Variants in PDE9A observed in about 807,000 individuals in gnomAD.
PDE9A encodes the protein high affinity cGMP-specific 3',5'-cyclic phosphodiesterase 9A.
A neutral mutation model predicts 87.4 loss-of-function variants in PDE9A; 60 were observed. That is an observed-to-expected ratio of 0.69 (90% CI 0.56 to 0.85). The LOEUF is 0.85. Ranked by LOEUF, PDE9A falls within the 40% of genes least tolerant of loss-of-function variation. The pLI, the probability that PDE9A is intolerant of heterozygous loss-of-function variation, is 0.00. For missense variants in PDE9A, 665 were observed against 779.0 expected (o/e 0.85, Z 1.74); for synonymous variants, 272 against 279.4 (o/e 0.97, Z 0.27).
chr21:42,660,621 G>A lies in PDE9A; in HGVS notation c.69+6738G>A, dbSNP rs6586337. Reference sequence around the variant, plus strand: ...ACCACCCCTTCCCCAAACACTATTGGAATTAAAAAAAAAAAAAAAGATTAA... The same window carrying A: ...ACCACCCCTTCCCCAAACACTATTGAAATTAAAAAAAAAAAAAAAGATTAA... On this transcript the variant is annotated intron_variant, in intron 1 of 19. Transcript: ENST00000291539. The surrounding 1 kb of genome is among the most constrained non-coding windows in gnomAD (Gnocchi z 4.7). 0.39 allele frequency among the ~76,000 whole-genome samples: 58,029 copies of A among 148,580 alleles called. 12,549 individuals are homozygous for A. The highest frequency in any genetic ancestry group is 0.6 in the African/African-American group (24,266 of 40,308).
intron 4 of PDE9A, among the ~76,000 whole-genome samples, chr21:42,726,613 TATATATATATA>T (rs1307978460): frequency 2.1e-4 from 6 of 28,450 alleles, no homozygotes; most frequent in African/African-American, 1.1e-3. Context: ...TATATATATA[TATATATATATA>T]TTTTTTTTTT....
At chr21:42,747,910 G>A (rs111497912) in intron 8 of PDE9A, among the ~76,000 whole-genome samples, 4,064 of 152,348 alleles carry the variant, frequency 0.027, 81 homozygotes, top group Non-Finnish European at 0.04. Flanking sequence ...CTCCAAATAG[G>A]ATGAAAAGAA....
chr21:42,702,019 T>C lies in PDE9A; in HGVS notation c.262+3008T>C, dbSNP rs2146351892. Among the ~76,000 whole-genome samples, 1 of 152,280 alleles carries C rather than the reference T, an allele frequency of 6.6e-6. No homozygotes were observed. Among genetic ancestry groups the C allele is most frequent in the African/African-American group, 2.4e-5 (1 of 41,552 alleles). ...GTGTTCATTGATCTTCTTGGAACTT[T>C]GGGATCATATTTTTCATGAAATTTG... On this transcript the variant is annotated intron_variant, in intron 4 of 19. Transcript: ENST00000291539. This position sits in a 1 kb window ranked among gnomAD's most constrained non-coding sequence, Gnocchi z 4.9.
intron 1 of PDE9A, among the ~76,000 whole-genome samples, chr21:42,685,297 CGGCACTGGGGAGCG>C (rs1409014466): frequency 6.6e-6 from 1 of 152,214 alleles, no homozygotes; most frequent in Non-Finnish European, 1.5e-5. Context: ...ACAGCCCCGG[CGGCACTGGGGAGCG>C]AGCGCGGCCA....
rs2055635289 is a variant in PDE9A at position 42,760,693 on chromosome 21, A to G, written c.1003-132A>G. ...ACAGGCAGGCCGATCCTCTCCCACCATGCCAGGAGATGCCAGATGGCTGCA... is the reference window on the plus strand; with the variant it reads ...ACAGGCAGGCCGATCCTCTCCCACCGTGCCAGGAGATGCCAGATGGCTGCA... On this transcript the variant is annotated intron_variant, in intron 12 of 19. Transcript: ENST00000291539. The surrounding 1 kb of genome is among the most constrained non-coding windows in gnomAD (Gnocchi z 5.2). 3.5e-6 allele frequency: 2 copies of G among 578,338 alleles called. No homozygotes were observed. The highest frequency in any genetic ancestry group is 4.1e-5 in the East Asian group (1 of 24,482). 35.8% of individuals were successfully genotyped at this position (578,338 alleles called of 1,614,324 possible). A position where few individuals can be genotyped will look rare whatever the true frequency, so the allele number is the denominator to read the frequency against.
intron 3 of PDE9A, among the ~76,000 whole-genome samples, chr21:42,688,672 C>T (rs2059613243): frequency 6.6e-6 from 1 of 152,202 alleles, no homozygotes; most frequent in African/African-American, 2.4e-5. Flanking sequence ...GGCGAGGGAG[C>T]AGGTGAGCTG....
intron 3 of PDE9A, among the ~76,000 whole-genome samples, chr21:42,693,455 C>A (rs923958348): frequency 6.6e-6 from 1 of 151,836 alleles, no homozygotes; most frequent in Admixed American, 6.6e-5. Context: ...CCCGCCACCA[C>A]GCCCAGCTAA....
intron 10 of PDE9A, among the ~76,000 whole-genome samples, chr21:42,754,385 G>A (rs910924558): frequency 3.9e-5 from 6 of 152,136 alleles, no homozygotes; most frequent in African/African-American, 9.7e-5. Flanking sequence ...CCTCATGCAC[G>A]CCGGTGGCAG....
intron 8 of PDE9A, among the ~76,000 whole-genome samples, chr21:42,750,227 G>A (rs2054275197): frequency 1.3e-5 from 2 of 152,148 alleles, no homozygotes; most frequent in African/African-American, 4.8e-5. Flanking sequence ...TTGGGAGGCT[G>A]AGGCAGAAGG....
At position 42,723,133 on chromosome 21, in the gene PDE9A, T is replaced by C. The variant is rs9653815; in HGVS notation, c.263-8637T>C. Among the ~76,000 whole-genome samples the C allele has an allele frequency of 0.7, 106,564 of 152,208 alleles. 38,828 individuals are homozygous for C. Among genetic ancestry groups the C allele is most frequent in the East Asian group, 0.94 (4,870 of 5,168 alleles). On this transcript the variant is annotated intron_variant, in intron 4 of 19. Transcript: ENST00000291539. The surrounding 1 kb of genome is among the most constrained non-coding windows in gnomAD (Gnocchi z 4.3). ...GGCTGGCAGCCCATAGGCCCCTCCT[T>C]GGTCCCTCTAGAGGTTTGCTTCATT...
At chr21:42,667,791 T>C (rs1349970875) in intron 1 of PDE9A, among the ~76,000 whole-genome samples, 1 of 152,014 alleles carries the variant, frequency 6.6e-6, no homozygotes, top group Non-Finnish European at 1.5e-5. Flanking sequence ...TGCTGTTTGG[T>C]CCAGGACCCC....
At chr21:42,672,938 T>C (rs1009816767) in intron 1 of PDE9A, among the ~76,000 whole-genome samples, 4 of 152,146 alleles carry the variant, frequency 2.6e-5, no homozygotes, top group African/African-American at 9.7e-5. Flanking sequence ...GCTGACATGT[T>C]GAAGTTAAGG....
At position 42,659,194 on chromosome 21, in the gene PDE9A, G is replaced by C. The variant is rs563969979; in HGVS notation, c.69+5311G>C. 6.6e-6 allele frequency among the ~76,000 whole-genome samples: 1 copy of C among 152,180 alleles called. No homozygotes were observed. The highest frequency in any genetic ancestry group is 1.5e-5 in the Non-Finnish European group (1 of 68,038). ...CTGGCCTCCACACTCCTTCCCATTG[G>C]TGTGGTCCGAATTCCCCTTTAGCCA... On this transcript the variant is annotated intron_variant, in intron 1 of 19. Transcript: ENST00000291539. The surrounding 1 kb of genome is among the most constrained non-coding windows in gnomAD (Gnocchi z 4.1).
At chr21:42,754,156 T>C (rs2054758181) in intron 10 of PDE9A, 92 bp downstream of exon 10, 12 of 695,016 alleles carry the variant, frequency 1.7e-5, no homozygotes, top group African/African-American at 1.8e-5. Flanking sequence ...TCTTCCTCCT[T>C]CTTGCTTTTT....
Position 42,689,714 on chromosome 21 carries a change from A to G in PDE9A, c.218+1720A>G, listed in dbSNP as rs59613841. On this transcript the variant is annotated intron_variant, in intron 3 of 19. Transcript: ENST00000291539. ...ATTAACAAGAGACAGTATCAGACAC[A>G]CCAGACAAAAGCCCTCCTGAGCCCA... 1.6e-3 allele frequency: 1,625 copies of G among 985,430 alleles called. 11 individuals carry two copies. In the African/African-American group the frequency reaches 0.021, roughly 13 times the overall value. 61.0% of individuals were successfully genotyped at this position (985,430 alleles called of 1,614,324 possible).
At chr21:42,745,425 C>T (rs1310296618) in intron 8 of PDE9A, among the ~76,000 whole-genome samples, 4 of 152,222 alleles carry the variant, frequency 2.6e-5, no homozygotes, top group African/African-American at 4.8e-5. Context: ...TGTGAGTGAA[C>T]AATCCATCTT....
intron 4 of PDE9A, chr21:42,701,156 T>G (rs2048348119): frequency 2.0e-5 from 3 of 152,232 alleles, no homozygotes; most frequent in Admixed American, 2.0e-4. Flanking sequence ...GTGTTACCAT[T>G]GTTAATATGA....
chr21:42,744,363 A>C (rs1018963712), intron 8 of PDE9A, among the ~76,000 whole-genome samples: 2 of 152,198 alleles, frequency 1.3e-5, no homozygotes, highest in African/African-American at 4.8e-5. Context: ...TCAAGAAAAA[A>C]AGAGCACATA....
At chr21:42,665,305 G>A (rs2057892434) in intron 1 of PDE9A, among the ~76,000 whole-genome samples, 2 of 152,226 alleles carry the variant, frequency 1.3e-5, no homozygotes, top group African/African-American at 4.8e-5. Flanking sequence ...GTGGTTTCAT[G>A]TCACCCAGTT....
Sources: allele counts gnomAD v4.1 joint callset (sites outside exome capture counted in the v4.1 genomes callset), GRCh38; gene constraint gnomAD v4.1.1; non-coding constraint Gnocchi (gnomAD v3.1); transcripts MANE v1.5; gene names NCBI Gene and HGNC (gene_info 2026-07-23, HGNC 2026-07-21).